NCAM2: variants seen among roughly 807,000 people sequenced by gnomAD.
NCAM2 encodes the protein neural cell adhesion molecule 2.
In NCAM2, 30 loss-of-function variants were observed where a neutral mutation model predicts 98.1. The ratio of observed to expected loss-of-function variants is 0.31; its 90% CI spans 0.23 to 0.41. The LOEUF is 0.41. Ranked by LOEUF, NCAM2 falls within the 10% of genes least tolerant of loss-of-function variation. The pLI is 1.00. For synonymous variants in NCAM2, 368 were observed against 342.4 expected (o/e 1.07, Z -0.83); for missense variants, 867 against 1,005.8 (o/e 0.86, Z 1.87).
chr21:21,279,619 A>AG (rs2147487582), intron 1 of NCAM2, among the ~76,000 whole-genome samples: 1 of 152,256 alleles, frequency 6.6e-6, no homozygotes, highest in Admixed American at 6.5e-5. Flanking sequence ...GGCCTCCCAA[A>AG]GTGCTGGGAT....
chr21:21,412,193 T>C (rs1382932394), intron 10 of NCAM2, among the ~76,000 whole-genome samples: 3 of 152,244 alleles, frequency 2.0e-5, no homozygotes, highest in Non-Finnish European at 2.9e-5. Flanking sequence ...CCTGGACTTG[T>C]ACTTGGCCGC....
intron 1 of NCAM2, among the ~76,000 whole-genome samples, chr21:21,248,776 CAAAAAAAAAAAAAAAAAAAAAAAAAAA>C (rs1171857115): frequency 5.9e-5 from 3 of 50,680 alleles, no homozygotes; most frequent in South Asian, 2.8e-3. Flanking sequence ...GACTCTGTCT[CAAAAAAAAAAAAAAAAAAAAAAAAAAA>C]AAAAAAAAAA....
At chr21:21,113,972 TCTAA>T (rs1339159249) in intron 1 of NCAM2, among the ~76,000 whole-genome samples, 1 of 152,198 alleles carries the variant, frequency 6.6e-6, no homozygotes, top group Admixed American at 6.5e-5. Flanking sequence ...CATATAATTC[TCTAA>T]CTAACATTGA....
At chr21:21,289,179 T>C (rs1170934179) in intron 4 of NCAM2, among the ~76,000 whole-genome samples, 1 of 151,952 alleles carries the variant, frequency 6.6e-6, no homozygotes, top group East Asian at 1.9e-4. Context: ...AATTACCTTG[T>C]TCAATACAAT....
At chr21:21,040,929 A>T (rs1181652327) in intron 1 of NCAM2, among the ~76,000 whole-genome samples, 1 of 152,198 alleles carries the variant, frequency 6.6e-6, no homozygotes, top group African/African-American at 2.4e-5. Flanking sequence ...GATTTTGAAT[A>T]TTCCAAATAA....
chr21:21,068,521 G>A (rs1168807728), intron 1 of NCAM2, among the ~76,000 whole-genome samples: 13 of 146,912 alleles, frequency 8.8e-5, no homozygotes, highest in African/African-American at 1.3e-4. Flanking sequence ...GTGCAGTGGC[G>A]CAATCTCGGC....
chr21:21,054,211 A>T (rs1228098669), intron 1 of NCAM2, among the ~76,000 whole-genome samples: 2 of 151,938 alleles, frequency 1.3e-5, no homozygotes, highest in Non-Finnish European at 2.9e-5. Context: ...TGAATTAGAA[A>T]TTTTTTCAAT....
chr21:21,130,560 G>A (rs551013005), intron 1 of NCAM2, among the ~76,000 whole-genome samples: 2 of 152,022 alleles, frequency 1.3e-5, no homozygotes, highest in Non-Finnish European at 2.9e-5. Context: ...CACTAATTCC[G>A]ATAGATTATT....
intron 1 of NCAM2, among the ~76,000 whole-genome samples, chr21:21,101,134 A>G (rs2066232450): frequency 6.6e-6 from 1 of 152,020 alleles, no homozygotes; most frequent in Non-Finnish European, 1.5e-5. Context: ...CTCCTTATGC[A>G]GTGTTTTCAT....
intron 12 of NCAM2, among the ~76,000 whole-genome samples, chr21:21,442,486 T>C (rs1021144438): frequency 2.6e-5 from 4 of 152,064 alleles, no homozygotes; most frequent in African/African-American, 9.7e-5. Flanking sequence ...GTTTGGTGAG[T>C]GGAAATCAGC....
At chr21:21,344,017 A>G (rs1389699940) in intron 8 of NCAM2, among the ~76,000 whole-genome samples, 7 of 152,158 alleles carry the variant, frequency 4.6e-5, no homozygotes, top group African/African-American at 1.4e-4. Context: ...AGAGGAAAGG[A>G]AAGAGTAAGG....
At chr21:21,534,346 CT>C (rs1414898110) in intron 16 of NCAM2, among the ~76,000 whole-genome samples, 190 bp from the exon 17 acceptor site, 4 of 151,520 alleles carry the variant, frequency 2.6e-5, no homozygotes, top group Non-Finnish European at 4.4e-5. Context: ...GAATTTCTTC[CT>C]TTTTTTCTGA....
At chr21:21,494,314 G>A (rs1398629967) in intron 15 of NCAM2, among the ~76,000 whole-genome samples, 1 of 151,774 alleles carries the variant, frequency 6.6e-6, no homozygotes, top group Non-Finnish European at 1.5e-5. Flanking sequence ...AAATAATTTT[G>A]TTTGTACAAT....
intron 1 of NCAM2, among the ~76,000 whole-genome samples, chr21:21,228,480 A>G (rs532019278): frequency 2.4e-4 from 37 of 151,614 alleles, no homozygotes; most frequent in Non-Finnish European, 3.3e-4. Context: ...TAGATAAACT[A>G]CAATTTATTC....
At chr21:21,532,114 T>G (rs558934944) in intron 16 of NCAM2, among the ~76,000 whole-genome samples, 1 of 152,050 alleles carries the variant, frequency 6.6e-6, no homozygotes, top group African/African-American at 2.4e-5. Flanking sequence ...ATAATACTTA[T>G]GGTATTTATT....
At chr21:21,458,295 C>T (rs925475433) in intron 12 of NCAM2, among the ~76,000 whole-genome samples, 12 of 152,230 alleles carry the variant, frequency 7.9e-5, no homozygotes, top group Non-Finnish European at 1.8e-4. Context: ...GAACCATCTC[C>T]ACCAGGGCAC....
intron 9 of NCAM2, among the ~76,000 whole-genome samples, chr21:21,382,366 A>T (rs2076170969): frequency 6.6e-6 from 1 of 152,012 alleles, no homozygotes; most frequent in Non-Finnish European, 1.5e-5. Context: ...CAGGCTCATG[A>T]TATACTTTTC....
At chr21:21,343,750 G>T (rs113528202) in intron 8 of NCAM2, among the ~76,000 whole-genome samples, 36 of 152,302 alleles carry the variant, frequency 2.4e-4, no homozygotes, top group African/African-American at 8.7e-4. Context: ...AACCTCACCA[G>T]TGAGGACCAA....
At position 21,205,279 on chromosome 21, in the gene NCAM2, G is replaced by GT. The variant is rs1409781381; in HGVS notation, c.56-75294dup. On this transcript the variant is annotated intron_variant, in intron 1 of 17. Transcript: ENST00000400546. Reference sequence around the variant, plus strand: ...CAATTTTCTCATAAAACTGTATTTAGTTTTTGCATTGTTTGTCAACATGTC... The same window carrying GT: ...CAATTTTCTCATAAAACTGTATTTAGTTTTTTGCATTGTTTGTCAACATGTC... 3.3e-5 allele frequency among the ~76,000 whole-genome samples: 5 copies of GT among 152,186 alleles called. No homozygotes were observed. The East Asian group carries it at 7.7e-4, about 24-fold the overall frequency.
Sources: allele counts gnomAD v4.1 joint callset (sites outside exome capture counted in the v4.1 genomes callset), GRCh38; gene constraint gnomAD v4.1.1; transcripts MANE v1.5; gene names NCBI Gene and HGNC (gene_info 2026-07-23, HGNC 2026-07-21).